ADARB2: variants seen among roughly 807,000 people sequenced by gnomAD.
ADARB2 encodes the protein inactive double-stranded RNA-specific editase B2.
ADARB2 carries 25 observed loss-of-function variants against 62.2 expected under a neutral mutation model. The observed-to-expected ratio is 0.40, with a 90% CI of 0.29 to 0.56. The LOEUF is 0.56. Ranked by LOEUF, ADARB2 falls within the 20% of genes least tolerant of loss-of-function variation. The probability of loss-of-function intolerance (pLI) is 0.43; values close to 1 mark genes in which losing one functional copy is unlikely to be tolerated. For synonymous variants in ADARB2, 572 were observed against 500.8 expected, an observed-to-expected ratio of 1.14 and a Z score of -1.90; for missense variants, 1,071 against 1,077.4, an observed-to-expected ratio of 0.99 and a Z score of 0.08.
chr10:1,243,957 C>A (rs965513804), intron 4 of ADARB2, among the ~76,000 whole-genome samples: 4 of 152,240 alleles, frequency 2.6e-5, no homozygotes, highest in Non-Finnish European at 5.9e-5. Flanking sequence ...CTTCCCCACG[C>A]CGCTTTAATC....
intron 1 of ADARB2, among the ~76,000 whole-genome samples, chr10:1,521,781 C>A (rs1234613528): frequency 6.6e-6 from 1 of 151,100 alleles, no homozygotes; most frequent in African/African-American, 2.4e-5. Context: ...CCCCATCCAC[C>A]CCCCACTACC....
At chr10:1,297,221 CAGGG>C (rs1239585443) in intron 3 of ADARB2, among the ~76,000 whole-genome samples, 3 of 152,126 alleles carry the variant, frequency 2.0e-5, no homozygotes, top group African/African-American at 7.2e-5. Flanking sequence ...GTCTTTATCG[CAGGG>C]AGGAAGGGAG....
At chr10:1,627,830 A>T (rs1265054481) in intron 1 of ADARB2, among the ~76,000 whole-genome samples, 1 of 152,162 alleles carries the variant, frequency 6.6e-6, no homozygotes, top group Non-Finnish European at 1.5e-5. Flanking sequence ...ACAGCCTCGT[A>T]GAGATCACCT....
chr10:1,288,758 G>A (rs1039673062), intron 3 of ADARB2, among the ~76,000 whole-genome samples: 5 of 152,220 alleles, frequency 3.3e-5, no homozygotes, highest in Non-Finnish European at 7.3e-5. Flanking sequence ...TCAAGACCAC[G>A]GGGTACTTCT....
chr10:1,724,486 C>T (rs1023901893), intron 1 of ADARB2, among the ~76,000 whole-genome samples: 1 of 152,200 alleles, frequency 6.6e-6, no homozygotes, highest in African/African-American at 2.4e-5. Context: ...CCATCAGAGC[C>T]AGTCCCCCAA....
chr10:1,598,868 C>T (rs2132013020), intron 1 of ADARB2, among the ~76,000 whole-genome samples: 1 of 152,336 alleles, frequency 6.6e-6, no homozygotes, highest in Non-Finnish European at 1.5e-5. Flanking sequence ...GGCACCCAGG[C>T]AGGAAGGAGT....
At chr10:1,349,177 C>G (rs1328933470) in intron 3 of ADARB2, among the ~76,000 whole-genome samples, 1 of 152,160 alleles carries the variant, frequency 6.6e-6, no homozygotes, top group African/African-American at 2.4e-5. Flanking sequence ...TTATGAACGT[C>G]CTTCTCCTGG....
chr10:1,652,430 C>T (rs2119074235), intron 1 of ADARB2, among the ~76,000 whole-genome samples: 1 of 152,330 alleles, frequency 6.6e-6, no homozygotes, highest in East Asian at 1.9e-4. Flanking sequence ...CTCCCGGGAG[C>T]ATCCCACTTC....
At chr10:1,517,965 G>GTGAA (rs1832026773) in intron 1 of ADARB2, among the ~76,000 whole-genome samples, 1 of 152,144 alleles carries the variant, frequency 6.6e-6, no homozygotes, top group African/African-American at 2.4e-5. Flanking sequence ...GATTCCTTGA[G>GTGAA]TGAATGAAAG....
intron 1 of ADARB2, among the ~76,000 whole-genome samples, chr10:1,727,643 A>C (rs1169652348): frequency 6.6e-6 from 1 of 152,238 alleles, no homozygotes; most frequent in East Asian, 1.9e-4. Flanking sequence ...ATAATAAAGG[A>C]AATACAATAG....
At position 1,524,341 on chromosome 10, in the gene ADARB2, G is replaced by A. The variant is rs574110403; in HGVS notation, c.101-145181C>T. Among the ~76,000 whole-genome samples the A allele has an allele frequency of 6.6e-5, 10 of 152,258 alleles. No homozygotes were observed. In the East Asian group the frequency reaches 1.2e-3, roughly 18 times the overall value. On this transcript the variant is annotated intron_variant, in intron 1 of 9. Coordinates refer to ENST00000381312, the MANE Select transcript of ADARB2 (RefSeq NM_018702.4). ...AATTCAGTCGCCATTTGTGACTAAC[G>A]TGTCCAATACTCAGTAGGAAAGATA...
At chr10:1,630,486 A>G (rs1291712443) in intron 1 of ADARB2, among the ~76,000 whole-genome samples, 2 of 152,138 alleles carry the variant, frequency 1.3e-5, no homozygotes, top group African/African-American at 4.8e-5. Flanking sequence ...ATCAGAAGCC[A>G]CGAGTCATTT....
At chr10:1,562,339 G>C (rs1004631255) in intron 1 of ADARB2, among the ~76,000 whole-genome samples, 19 of 152,324 alleles carry the variant, frequency 1.2e-4, no homozygotes, top group Admixed American at 1.0e-3. Context: ...CTTTCTGGCA[G>C]GGTCAAAAGT....
At chr10:1,475,967 G>A (rs1478872828) in intron 1 of ADARB2, among the ~76,000 whole-genome samples, 2 of 152,170 alleles carry the variant, frequency 1.3e-5, no homozygotes, top group African/African-American at 4.8e-5. Flanking sequence ...CTTTTGTCTT[G>A]GAGACAGTTA....
At chr10:1,203,672 G>A (rs1054979076) in intron 7 of ADARB2, among the ~76,000 whole-genome samples, 1 of 151,658 alleles carries the variant, frequency 6.6e-6, no homozygotes, top group Non-Finnish European at 1.5e-5. Context: ...TGCCGCCCAC[G>A]TGATTCTCCT....
intron 1 of ADARB2, among the ~76,000 whole-genome samples, chr10:1,512,768 G>A (rs1831952375): frequency 6.6e-6 from 1 of 152,232 alleles, no homozygotes; most frequent in Non-Finnish European, 1.5e-5. Context: ...GGGATGTGGA[G>A]CAGGTGCTCT....
At chr10:1,713,319 A>G (rs936648907) in intron 1 of ADARB2, among the ~76,000 whole-genome samples, 3 of 152,214 alleles carry the variant, frequency 2.0e-5, no homozygotes, top group African/African-American at 7.2e-5. Flanking sequence ...CCGGCATCCA[A>G]CCACCTTACC....
intron 1 of ADARB2, among the ~76,000 whole-genome samples, chr10:1,664,817 C>T (rs1411831092): frequency 6.6e-6 from 1 of 152,232 alleles, no homozygotes; most frequent in Non-Finnish European, 1.5e-5. Flanking sequence ...GTGCTGCATC[C>T]TCATCGCTCT....
chr10:1,593,559 A>G (rs1398531667), intron 1 of ADARB2, among the ~76,000 whole-genome samples: 3 of 152,278 alleles, frequency 2.0e-5, no homozygotes, highest in South Asian at 2.1e-4. Flanking sequence ...TTCCTCAAGT[A>G]TGGTCCACTG....
Sources: gnomAD v4.1 joint callset for allele counts (sites outside exome capture counted in the v4.1 genomes callset) on GRCh38, gnomAD v4.1.1 for gene constraint, MANE v1.5 for transcripts, NCBI Gene and HGNC (gene_info 2026-07-23, HGNC 2026-07-21) for gene names.